The following RNLS variants were observed in gnomAD, a reference collection of about 807,000 sequenced individuals.
The protein encoded by RNLS is renalase.
A neutral mutation model predicts 39.8 loss-of-function variants in RNLS; 39 were observed. The observed-to-expected ratio is 0.98, with a 90% CI of 0.76 to 1.28. The LOEUF is 1.28. RNLS is among the 50% of genes most tolerant of loss of function. The pLI is 0.00. For missense variants in RNLS, 410 were observed against 413.3 expected (o/e 0.99, Z 0.07); for synonymous variants, 147 against 150.7 (o/e 0.98, Z 0.18).
chr10:88,366,458 T>TTG (rs142926066), intron 4 of RNLS, among the ~76,000 whole-genome samples: 8 of 149,496 alleles, frequency 5.4e-5, no homozygotes, highest in Non-Finnish European at 8.9e-5. Context: ...GTGTGTGTGT[T>TTG]TGTGTGTGTG....
At chr10:88,200,319 C>A in the RNLS span, among the ~76,000 whole-genome samples, 1 of 152,218 alleles carries the variant, frequency 6.6e-6, no homozygotes, top group Admixed American at 6.5e-5. Context: ...ATGCTTACTG[C>A]ACACTTAGTA....
chr10:88,386,985 T>C (rs1181395613), intron 4 of RNLS, among the ~76,000 whole-genome samples: 1 of 152,188 alleles, frequency 6.6e-6, no homozygotes, highest in Non-Finnish European at 1.5e-5. Context: ...CTCTAGTCCA[T>C]CTGAATAAAA....
intron 4 of RNLS, among the ~76,000 whole-genome samples, chr10:88,404,373 A>C (rs1443350896): frequency 4.6e-5 from 7 of 152,090 alleles, no homozygotes; most frequent in African/African-American, 1.4e-4. Context: ...CTGGATAATG[A>C]AAGAGTTCTG....
intron 4 of RNLS, among the ~76,000 whole-genome samples, chr10:88,468,636 G>A (rs932560872): frequency 2.0e-5 from 3 of 152,126 alleles, no homozygotes; most frequent in Non-Finnish European, 4.4e-5. Context: ...TGGCTTCTTT[G>A]AGGGAAATAA....
At position 88,345,594 on chromosome 10, in the gene RNLS, A is replaced by AAAAT. The variant is rs567000788; in HGVS notation, c.700+16954_700+16957dup. Among the ~76,000 whole-genome samples, 6 of 152,310 alleles carry AAAAT rather than the reference A, an allele frequency of 3.9e-5. No individual in the cohort carries two copies. The South Asian group carries it at 1.2e-3, about 32-fold the overall frequency. ...TATATAACTAATGGACCAAAACCAT[A>AAAAT]AAATAATTTGTATGTGACAACAATT... is the stretch of plus-strand genomic sequence containing the variant. On this transcript the variant is annotated intron_variant, in intron 5 of 6. Transcript: ENST00000331772.
At chr10:88,485,969 A>C (rs1484590941) in intron 4 of RNLS, among the ~76,000 whole-genome samples, 1 of 152,090 alleles carries the variant, frequency 6.6e-6, no homozygotes, top group Non-Finnish European at 1.5e-5. Flanking sequence ...CAAATACTTA[A>C]ATTGAACATC....
intron 5 of RNLS, among the ~76,000 whole-genome samples, chr10:88,334,733 C>A (rs1847363056): frequency 6.6e-6 from 1 of 151,892 alleles, no homozygotes; most frequent in Admixed American, 6.6e-5. Flanking sequence ...CCCTTGAAAT[C>A]ATGATTTTAT....
At chr10:88,358,576 C>A (rs1405934542) in intron 5 of RNLS, among the ~76,000 whole-genome samples, 1 of 152,202 alleles carries the variant, frequency 6.6e-6, no homozygotes, top group Non-Finnish European at 1.5e-5. Context: ...GATGACAGAG[C>A]CCTTTTTCAA....
intron 4 of RNLS, among the ~76,000 whole-genome samples, chr10:88,391,355 C>T (rs1344581426): frequency 6.6e-6 from 1 of 152,040 alleles, no homozygotes; most frequent in Non-Finnish European, 1.5e-5. Context: ...GTCAAGAGGC[C>T]GAGACCATCC....
the RNLS span, among the ~76,000 whole-genome samples, chr10:88,194,464 C>T: frequency 9.2e-5 from 14 of 152,240 alleles, no homozygotes; most frequent in African/African-American, 3.4e-4. Flanking sequence ...GGTGATATCT[C>T]TCTCATCTTG....
At chr10:88,179,448 T>C in the RNLS span, among the ~76,000 whole-genome samples, 10 of 152,330 alleles carry the variant, frequency 6.6e-5, no homozygotes, top group African/African-American at 2.4e-4. Context: ...TCATCATGGA[T>C]AATACTGTAA....
In RNLS at chr10:88,304,995, T is replaced by C. The variant is rs1320519899; in HGVS notation, c.876+9471A>G. Among the ~76,000 whole-genome samples, 14 of 152,196 alleles carry C rather than the reference T, an allele frequency of 9.2e-5. 1 individual carries two copies. The highest frequency in any genetic ancestry group is 9.2e-4 in the Admixed American group (14 of 15,284). On this transcript the variant is annotated intron_variant, in intron 6 of 6. Transcript: ENST00000331772. The stretch of plus-strand genomic sequence containing the variant: ...ATCTATCAGACTAACAGCGGACCTC[T>C]CAGCAGAAACTCTACAAGCCAGAAA...
intron 4 of RNLS, among the ~76,000 whole-genome samples, chr10:88,541,673 C>G (rs1848050042): frequency 6.6e-6 from 1 of 152,156 alleles, no homozygotes; most frequent in Non-Finnish European, 1.5e-5. Flanking sequence ...CTGTAGAAGA[C>G]AGTTGACTCT....
intron 4 of RNLS, among the ~76,000 whole-genome samples, chr10:88,383,293 T>C (rs149394045): frequency 2.0e-5 from 3 of 152,260 alleles, no homozygotes; most frequent in East Asian, 3.9e-4. Flanking sequence ...CTATCACCTA[T>C]AATTGAATAC....
At chr10:88,211,009 CAA>C in the RNLS span, among the ~76,000 whole-genome samples, 643 of 152,202 alleles carry the variant, frequency 4.2e-3, 9 homozygotes, top group African/African-American at 0.015. Context: ...AGAAGCATTT[CAA>C]GACTGTACTG....
At chr10:88,478,018 A>G (rs1352142347) in intron 4 of RNLS, among the ~76,000 whole-genome samples, 1 of 152,206 alleles carries the variant, frequency 6.6e-6, no homozygotes, top group Non-Finnish European at 1.5e-5. Flanking sequence ...TATCCTGGAT[A>G]GATTTTTATC....
chr10:88,333,519 T>C (rs1196753152), intron 5 of RNLS, among the ~76,000 whole-genome samples: 1 of 152,236 alleles, frequency 6.6e-6, no homozygotes, highest in African/African-American at 2.4e-5. Context: ...ATCTTGCTTT[T>C]GTTAAAGCAA....
the RNLS span, among the ~76,000 whole-genome samples, chr10:88,266,772 T>TA: frequency 0.095 from 13,535 of 142,970 alleles, 862 homozygotes; most frequent in East Asian, 0.24. Flanking sequence ...AACTTCTACT[T>TA]AAAAAAAAAA....
chr10:88,248,929 T>C, the RNLS span, among the ~76,000 whole-genome samples: 2 of 152,234 alleles, frequency 1.3e-5, no homozygotes, highest in Non-Finnish European at 2.9e-5. Context: ...CTGTTCCTTC[T>C]GTCTGGAATG....
Sources: gnomAD v4.1 joint callset for allele counts (sites outside exome capture counted in the v4.1 genomes callset) on GRCh38, gnomAD v4.1.1 for gene constraint, MANE v1.5 for transcripts, NCBI Gene and HGNC (gene_info 2026-07-23, HGNC 2026-07-21) for gene names.